UGT1A10: variants seen among roughly 807,000 people sequenced by gnomAD.
The protein encoded by UGT1A10 is UDP glucuronosyltransferase family 1 member A10.
In UGT1A10, 49 loss-of-function variants were observed where a neutral mutation model predicts 45.8. The ratio of observed to expected loss-of-function variants is 1.07; its 90% CI spans 0.85 to 1.36. The LOEUF (loss-of-function observed/expected upper bound fraction) is 1.36, where lower values mean the gene tolerates loss of function less well. UGT1A10 is among the 40% of genes most tolerant of loss of function. The pLI is 0.00. For synonymous variants in UGT1A10, 284 were observed against 249.7 expected (o/e 1.14, Z -1.29); for missense variants, 745 against 668.6 (o/e 1.11, Z -1.26).
intron 1 of UGT1A10, among the ~76,000 whole-genome samples, chr2:233,643,977 G>C (rs1166456539): frequency 6.6e-6 from 1 of 152,166 alleles, no homozygotes; most frequent in East Asian, 1.9e-4. Context: ...TAGAAGGAAA[G>C]GGTCTCTTTT....
chr2:233,649,964 GT>G (rs927677816), intron 1 of UGT1A10, among the ~76,000 whole-genome samples: 1 of 152,002 alleles, frequency 6.6e-6, no homozygotes, highest in African/African-American at 2.4e-5. Context: ...ATACTTCAAG[GT>G]TTTTTGTTTG....
chr2:233,650,877 T>C (rs754998368), intron 1 of UGT1A10, among the ~76,000 whole-genome samples: 1 of 152,238 alleles, frequency 6.6e-6, no homozygotes, highest in Non-Finnish European at 1.5e-5. Context: ...CATGAATTGT[T>C]TGATGATCCC....
chr2:233,760,558 T>G, intron 1 of UGT1A10: 1 of 1,614,006 alleles, frequency 6.2e-7, no homozygotes, highest in Non-Finnish European at 8.5e-7. Context: ...TGTGAAAGAG[T>G]CTTTTGTTAG....
intron 1 of UGT1A10, chr2:233,742,915 T>C (rs558840772): frequency 5.4e-6 from 1 of 183,798 alleles, no homozygotes; most frequent in East Asian, 1.4e-4. Flanking sequence ...ATGCTCAAAG[T>C]GCTGAACTGA....
chr2:233,737,176 C>CG (rs2078848522), intron 1 of UGT1A10, among the ~76,000 whole-genome samples: 1 of 152,196 alleles, frequency 6.6e-6, no homozygotes, highest in South Asian at 2.1e-4. Context: ...GAGTCTATAG[C>CG]GGCAGTAGCC....
chr2:233,704,871 C>T (rs2075811084), intron 1 of UGT1A10, among the ~76,000 whole-genome samples: 1 of 152,170 alleles, frequency 6.6e-6, no homozygotes, highest in African/African-American at 2.4e-5. Context: ...CGGTGGCTCA[C>T]TCCTGTAATC....
chr2:233,727,892 G>A (rs1335594867), intron 1 of UGT1A10, among the ~76,000 whole-genome samples: 1 of 152,130 alleles, frequency 6.6e-6, no homozygotes, highest in African/African-American at 2.4e-5. Flanking sequence ...TGGCAGACAC[G>A]GCCAGGCAAG....
At chr2:233,720,517 A>G (rs556440432) in intron 1 of UGT1A10, among the ~76,000 whole-genome samples, 3 of 152,226 alleles carry the variant, frequency 2.0e-5, no homozygotes, top group East Asian at 1.9e-4. Context: ...GAAGCTGATC[A>G]TATCACCAAA....
At chr2:233,666,280 T>C (rs539486827) in intron 1 of UGT1A10, among the ~76,000 whole-genome samples, 3 of 152,356 alleles carry the variant, frequency 2.0e-5, no homozygotes, top group East Asian at 1.9e-4. Context: ...AAACACCTCC[T>C]GCTAAGCCCC....
intron 1 of UGT1A10, among the ~76,000 whole-genome samples, chr2:233,701,976 G>A (rs1359333208): frequency 6.6e-6 from 1 of 151,918 alleles, no homozygotes; most frequent in Non-Finnish European, 1.5e-5. Context: ...CTAGTAAAAG[G>A]CAAGAAATAA....
At chr2:233,678,388 G>A (rs930248608) in intron 1 of UGT1A10, among the ~76,000 whole-genome samples, 1 of 152,144 alleles carries the variant, frequency 6.6e-6, no homozygotes, top group Non-Finnish European at 1.5e-5. Flanking sequence ...GGGCTGTGGA[G>A]GAGGAGGAGT....
chr2:233,737,830 A>T (rs1690602817), intron 1 of UGT1A10, among the ~76,000 whole-genome samples: 1 of 152,126 alleles, frequency 6.6e-6, no homozygotes, highest in South Asian at 2.1e-4. Flanking sequence ...ACAAATTGGG[A>T]ACTGTGGCAC....
chr2:233,680,972 TGGAGGCAG>T (rs2074504500), intron 1 of UGT1A10, among the ~76,000 whole-genome samples: 1 of 151,994 alleles, frequency 6.6e-6, no homozygotes, highest in Admixed American at 6.6e-5. Context: ...GAAGGGTCCA[TGGAGGCAG>T]GGTTGTCAAT....
intron 1 of UGT1A10, among the ~76,000 whole-genome samples, chr2:233,652,529 A>G (rs2073765388): frequency 6.6e-6 from 1 of 152,234 alleles, no homozygotes; most frequent in South Asian, 2.1e-4. Flanking sequence ...CCACAATATC[A>G]TTATCATTCC....
chr2:233,654,334 A>C (rs950078690), intron 1 of UGT1A10, among the ~76,000 whole-genome samples: 4 of 152,182 alleles, frequency 2.6e-5, no homozygotes, highest in Non-Finnish European at 5.9e-5. Flanking sequence ...TCAGAATTCA[A>C]CCTTCAGGAT....
chr2:233,638,384 A>G (rs1388160407), intron 1 of UGT1A10, among the ~76,000 whole-genome samples: 1 of 152,202 alleles, frequency 6.6e-6, no homozygotes, highest in Non-Finnish European at 1.5e-5. Context: ...ATCCAGCCAC[A>G]TCACTAACTT....
intron 1 of UGT1A10, chr2:233,742,723 T>C (rs17863795): frequency 0.037 from 5,611 of 152,966 alleles, 153 homozygotes; most frequent in Non-Finnish European, 0.057. Context: ...CTCAGTGATA[T>C]GGGATTCAAA....
intron 1 of UGT1A10, among the ~76,000 whole-genome samples, chr2:233,759,775 C>T (rs756322145): frequency 1.3e-5 from 2 of 152,048 alleles, no homozygotes; most frequent in African/African-American, 4.8e-5. Context: ...TATTGTTGGA[C>T]GAAGGAATGA....
At chr2:233,668,094 T>G (rs1368523655) in intron 1 of UGT1A10, among the ~76,000 whole-genome samples, 2 of 152,120 alleles carry the variant, frequency 1.3e-5, no homozygotes, top group Non-Finnish European at 2.9e-5. Context: ...CTAGGGTACA[T>G]GTGCACAACA....
Sources: allele counts gnomAD v4.1 joint callset (sites outside exome capture counted in the v4.1 genomes callset), GRCh38; gene constraint gnomAD v4.1.1; transcripts MANE v1.5; gene names NCBI Gene and HGNC (gene_info 2026-07-23, HGNC 2026-07-21).